Variants in LY75 observed in about 807,000 individuals in gnomAD.
LY75 encodes the protein C-type lectin domain family 13 member B.
LY75 carries 185 observed loss-of-function variants against 231.7 expected under a neutral mutation model. The ratio of observed to expected loss-of-function variants is 0.80; its 90% CI spans 0.71 to 0.90. The LOEUF is 0.90. LY75 is among the 40% of genes least tolerant of loss of function. The probability of loss-of-function intolerance (pLI) is 0.00; values close to 1 mark genes in which losing one functional copy is unlikely to be tolerated. For missense variants in LY75, 1,947 were observed against 2,050.2 expected (o/e 0.95, Z 0.97); for synonymous variants, 668 against 689.0 (o/e 0.97, Z 0.48).
At chr2:159,818,018 C>T (rs1683175361) in intron 29 of LY75, among the ~76,000 whole-genome samples, 1 of 151,918 alleles carries the variant, frequency 6.6e-6, no homozygotes, top group Non-Finnish European at 1.5e-5. Flanking sequence ...CACTGCACTC[C>T]AGCCTGGGTG....
chr2:159,850,791 T>TATATATAAAA lies in LY75; in HGVS notation c.2884-325_2884-324insTTTTATATAT, dbSNP rs1553805730. ...AAACTTTCATATATATATATATATA[T>TATATATAAAA]ATATATATTATATCTTATATATAAG... On this transcript the variant is annotated intron_variant, in intron 21 of 34. Transcript: ENST00000263636. Among the ~76,000 whole-genome samples the TATATATAAAA allele has an allele frequency of 9.7e-3, 916 of 94,432 alleles. 115 individuals carry two copies. The highest frequency in any genetic ancestry group is 0.032 in the African/African-American group (792 of 25,138). The allele number at this position is 94,432 out of a possible 152,430, so 62.0% of individuals were successfully genotyped here. A position where few individuals can be genotyped will look rare whatever the true frequency, so the allele number is the denominator to read the frequency against.
chr2:159,898,719 T>C lies in LY75; in HGVS notation c.435A>G (p.Ser145=). 1 of 1,614,082 alleles carries C rather than the reference T, an allele frequency of 6.2e-7. No homozygotes were observed. The highest frequency in any genetic ancestry group is 2.2e-5 in the East Asian group (1 of 44,880). Residue 145 remains serine, a synonymous_variant, in exon 2 of 35, where the codon TCA becomes TCG. Transcript: ENST00000263636. ...NASDVWKKGG[S]EESLCDQPYH... is the part of the protein sequence containing the mutation. Reference sequence around the variant, plus strand: ...AAGGCTGGTCACAAAGGCTTTCCTCTGAGCCTCCTTTCTTCCAGACATCAG... The same window carrying C: ...AAGGCTGGTCACAAAGGCTTTCCTCCGAGCCTCCTTTCTTCCAGACATCAG...
At chr2:159,821,127 C>A (rs140372167) in intron 28 of LY75, among the ~76,000 whole-genome samples, 29 of 152,010 alleles carry the variant, frequency 1.9e-4, no homozygotes, top group African/African-American at 6.8e-4. Flanking sequence ...CATGAGCCAC[C>A]GTGCCTGGCC....
chr2:159,838,128 C>T (rs1683888767), intron 25 of LY75, among the ~76,000 whole-genome samples: 1 of 152,158 alleles, frequency 6.6e-6, no homozygotes, highest in Admixed American at 6.5e-5. Context: ...CAGCTGCTTG[C>T]GTCCTCCCCG....
chr2:159,805,202 C>T lies in LY75; in HGVS notation c.5011G>A (p.Ala1671Thr). The T allele has an allele frequency of 6.2e-7, 1 of 1,613,916 alleles. No homozygotes were observed. The highest frequency in any genetic ancestry group is 8.5e-7 in the Non-Finnish European group (1 of 1,179,922). Residue 1671 changes from alanine (A) to threonine (T), a missense_variant, in exon 35 of 35, where the codon GCT (alanine) becomes ACT (threonine). Transcript: ENST00000263636. The part of the protein sequence containing the change: ...VPLGPDYTAI[A>T]IIVATLSILV... ...ATACTTAGTGTGGCAACTATGATAG[C>T]TATTGCTGTGTAATCAGGGCCTGGA... is the stretch of plus-strand genomic sequence containing the variant.
At chr2:159,837,271 A>C (rs1226574992) in intron 25 of LY75, among the ~76,000 whole-genome samples, 1 of 152,260 alleles carries the variant, frequency 6.6e-6, no homozygotes, top group Non-Finnish European at 1.5e-5. Flanking sequence ...TGGATCAAGA[A>C]GATGTAGCAC....
chr2:159,829,784 T>C (rs1448537837), intron 28 of LY75, among the ~76,000 whole-genome samples: 1 of 152,242 alleles, frequency 6.6e-6, no homozygotes, highest in African/African-American at 2.4e-5. Flanking sequence ...TATATTTTAA[T>C]AGAAATTTTA....
intron 14 of LY75, among the ~76,000 whole-genome samples, chr2:159,862,463 G>GA (rs1468963623): frequency 1.3e-5 from 2 of 151,648 alleles, no homozygotes; most frequent in Non-Finnish European, 2.9e-5. Flanking sequence ...ATTTCAAAAA[G>GA]AAAAAAATCA....
In LY75 at chr2:159,899,920, C is replaced by A. The variant is rs138207119; in HGVS notation, c.95-861G>T. On this transcript the variant is annotated intron_variant, in intron 1 of 34. Transcript: ENST00000263636. ...ATCACAGTCGTCTGCAACTATCCAG[C>A]CATACACTGGCTTGTGGCACCCTCA... 9.2e-5 allele frequency among the ~76,000 whole-genome samples: 14 copies of A among 152,338 alleles called. No individual in the cohort carries two copies. In the East Asian group the frequency reaches 2.5e-3, roughly 27 times the overall value.
rs201135691 is a variant in LY75 at position 159,842,174 on chromosome 2, A to ACTCT, written c.3280+67_3280+70dup. On this transcript the variant is annotated intron_variant, in intron 24 of 34. Coordinates refer to ENST00000263636, the MANE Select transcript of LY75 (RefSeq NM_002349.4). Reference sequence around the variant, plus strand: ...TTCCCCTCCCTCCCTATAGAAAGTGACTCTCTCTCTCTCTATATATATATA... The same window carrying ACTCT: ...TTCCCCTCCCTCCCTATAGAAAGTGACTCTCTCTCTCTCTCTCTATATATATATA... 6 of 1,445,796 alleles carry ACTCT rather than the reference A, an allele frequency of 4.1e-6. No individual in the cohort carries two copies. In the East Asian group the frequency reaches 1.0e-4, roughly 25 times the overall value. 89.6% of individuals were successfully genotyped at this position (1,445,796 alleles called of 1,614,324 possible).
chr2:159,862,166 C>G (rs1378116077), intron 14 of LY75, among the ~76,000 whole-genome samples: 1 of 151,952 alleles, frequency 6.6e-6, no homozygotes, highest in Non-Finnish European at 1.5e-5. Flanking sequence ...GTGGCACATG[C>G]CTGAAGTCCC....
chr2:159,824,597 C>T (rs1203706732), intron 28 of LY75, among the ~76,000 whole-genome samples: 2 of 152,198 alleles, frequency 1.3e-5, no homozygotes, highest in African/African-American at 4.8e-5. Flanking sequence ...TTGAACTCAG[C>T]TCTGGACCAA....
intron 13 of LY75, 110 bp from the exon 14 acceptor site, chr2:159,865,030 A>C: frequency 1.0e-6 from 1 of 966,874 alleles, no homozygotes; most frequent in East Asian, 3.0e-5. Flanking sequence ...CAAGCAACAT[A>C]AAGAAGTCTT....
At chr2:159,868,213 T>C (rs1305268462) in intron 13 of LY75, among the ~76,000 whole-genome samples, 2 of 152,188 alleles carry the variant, frequency 1.3e-5, no homozygotes, top group Non-Finnish European at 2.9e-5. Flanking sequence ...TACCATGGCA[T>C]TGTGTTAACT....
chr2:159,875,954 G>A (rs922563119), intron 11 of LY75, among the ~76,000 whole-genome samples: 6 of 152,120 alleles, frequency 3.9e-5, no homozygotes, highest in African/African-American at 7.2e-5. Flanking sequence ...CAGGATTTGT[G>A]CCCAGGTGGT....
At chr2:159,840,016 A>AAAAAAAAAG (rs1324948536) in intron 25 of LY75, among the ~76,000 whole-genome samples, 3 of 149,750 alleles carry the variant, frequency 2.0e-5, no homozygotes, top group African/African-American at 7.4e-5. Context: ...AAAAAAAAAA[A>AAAAAAAAAG]AAAGAAAAAG....
chr2:159,882,822 A>G (rs1482103983), intron 6 of LY75, among the ~76,000 whole-genome samples: 1 of 152,136 alleles, frequency 6.6e-6, no homozygotes, highest in African/African-American at 2.4e-5. Context: ...GGACAGAATA[A>G]GACATTTATA....
At chr2:159,818,812 A>C (rs1683199547) in intron 29 of LY75, among the ~76,000 whole-genome samples, 1 of 131,874 alleles carries the variant, frequency 7.6e-6, no homozygotes, top group Non-Finnish European at 1.8e-5. Flanking sequence ...AAAAAAAATA[A>C]AGAAAGAAAG....
intron 34 of LY75, 139 bp downstream of exon 34, chr2:159,806,834 G>A (rs879345167): frequency 1.3e-4 from 135 of 1,027,246 alleles, no homozygotes; most frequent in Non-Finnish European, 1.7e-4. Context: ...AAATCTCTAT[G>A]ACTTAATCAA....
Sources: gnomAD v4.1 joint callset for allele counts (sites outside exome capture counted in the v4.1 genomes callset) on GRCh38, gnomAD v4.1.1 for gene constraint, MANE v1.5 for transcripts, NCBI Gene and HGNC (gene_info 2026-07-23, HGNC 2026-07-21) for gene names.